The following ATAD2 variants were observed in gnomAD, a reference collection of about 807,000 sequenced individuals.
The protein encoded by ATAD2 is ATPase family AAA domain containing 2.
Under a neutral mutation model 168.9 loss-of-function variants are expected in ATAD2, and 62 were observed. That is an observed-to-expected ratio of 0.37 (90% CI 0.30 to 0.45). ATAD2 has a LOEUF of 0.45. Ranked by LOEUF, ATAD2 falls within the 20% of genes least tolerant of loss-of-function variation. The probability of loss-of-function intolerance (pLI) is 1.00; values close to 1 mark genes in which losing one functional copy is unlikely to be tolerated. For synonymous variants in ATAD2, 613 were observed against 571.6 expected, an observed-to-expected ratio of 1.07 and a Z score of -1.03; for missense variants, 1,419 against 1,667.8, an observed-to-expected ratio of 0.85 and a Z score of 2.60.
rs1829732178 is a variant in ATAD2 at position 123,389,124 on chromosome 8, G to A, written c.171+7063C>T. ...TGGGATTACAGGAGCCTGCTACCAC[G>A]CCCGGCTAATTTTTTTTTTTTTTTT... On this transcript the variant is annotated intron_variant, in intron 1 of 27. Coordinates refer to ENST00000287394, the MANE Select transcript of ATAD2 (RefSeq NM_014109.4). 2.5e-5 allele frequency among the ~76,000 whole-genome samples: 3 copies of A among 120,334 alleles called. No homozygotes were observed. In the South Asian group the frequency reaches 1.0e-3, roughly 40 times the overall value. The allele number at this position is 120,334 out of a possible 152,430, so 78.9% of individuals were successfully genotyped here.
chr8:123,394,682 A>T (rs1812748559), intron 1 of ATAD2, among the ~76,000 whole-genome samples: 1 of 152,208 alleles, frequency 6.6e-6, no homozygotes, highest in South Asian at 2.1e-4. Flanking sequence ...TCAATATATC[A>T]GTACGTATCA....
chr8:123,323,005 A>G lies in ATAD2; in HGVS notation c.4064T>C (p.Leu1355Ser), dbSNP rs1827515875. The G allele has an allele frequency of 6.2e-7, 1 of 1,613,260 alleles. No homozygotes were observed. ...AATACATTGGCTGATTACTGCATAC[A>G]AATTTTCCAACTGAAATATGTTGTA... ...QNYNIFQLEN[L>S]YAVISQCIYR... Residue 1355 changes from leucine (L) to serine (S), a missense_variant, in exon 27 of 28, where the codon TTG becomes TCG. Coordinates refer to ENST00000287394, the MANE Select transcript of ATAD2 (RefSeq NM_014109.4).
At chr8:123,376,583 T>A (rs1040926455) in intron 2 of ATAD2, among the ~76,000 whole-genome samples, 9 of 151,422 alleles carry the variant, frequency 5.9e-5, no homozygotes, top group African/African-American at 2.4e-5. Flanking sequence ...ACACACACAC[T>A]AAAACCATGG....
chr8:123,401,462 C>T, intron 1 of ATAD2: 5 of 1,513,920 alleles, frequency 3.3e-6, no homozygotes, highest in Non-Finnish European at 4.6e-6. Flanking sequence ...ACTCCCACCT[C>T]CAGGTGATTG....
intron 19 of ATAD2, among the ~76,000 whole-genome samples, chr8:123,342,207 T>C (rs1024418074): frequency 6.6e-6 from 1 of 152,252 alleles, no homozygotes; most frequent in African/African-American, 2.4e-5. Flanking sequence ...TCAACCTGCC[T>C]AGTATTGTTA....
At chr8:123,389,988 T>C (rs11782930) in intron 1 of ATAD2, among the ~76,000 whole-genome samples, 1 of 62,206 alleles carries the variant, frequency 1.6e-5, no homozygotes, top group Non-Finnish European at 3.4e-5. Context: ...ATATATATTT[T>C]TTTTTTTTTA....
intron 20 of ATAD2, 68 bp downstream of exon 20, chr8:123,339,243 A>T: frequency 7.6e-7 from 1 of 1,312,316 alleles, no homozygotes; most frequent in South Asian, 1.5e-5. Flanking sequence ...ATACATGTCA[A>T]TGCCATTAAC....
At chr8:123,380,893 T>C in intron 1 of ATAD2, 1 of 518,250 alleles carries the variant, frequency 1.9e-6, no homozygotes, top group Non-Finnish European at 3.4e-6. Context: ...ATATAAGATT[T>C]ACTGGTTTAT....
At chr8:123,346,312 A>G in intron 17 of ATAD2, 40 bp from the exon 18 acceptor site, 1 of 1,500,372 alleles carries the variant, frequency 6.7e-7, no homozygotes, top group South Asian at 1.3e-5. Flanking sequence ...TTTAGAAAAA[A>G]CAGTTTAAAT....
chr8:123,343,395 T>G (rs1210540499), intron 19 of ATAD2, among the ~76,000 whole-genome samples: 1 of 152,166 alleles, frequency 6.6e-6, no homozygotes, highest in African/African-American at 2.4e-5. Flanking sequence ...TACAAAATTT[T>G]TAAAACTTCT....
chr8:123,345,121 G>A, intron 18 of ATAD2, 52 bp from the exon 19 acceptor site: 1 of 1,486,382 alleles, frequency 6.7e-7, no homozygotes, highest in African/African-American at 1.4e-5. Flanking sequence ...CGTTAATAAT[G>A]CTAGTTCTAT....
chr8:123,354,224 C>T (rs774015609), intron 13 of ATAD2, among the ~76,000 whole-genome samples: 1 of 152,156 alleles, frequency 6.6e-6, no homozygotes, highest in African/African-American at 2.4e-5. Context: ...TAATGACATT[C>T]ACATAATTAC....
intron 7 of ATAD2, 48 bp downstream of exon 7, chr8:123,369,773 A>G (rs1485053762): frequency 7.0e-7 from 1 of 1,438,486 alleles, no homozygotes; most frequent in Non-Finnish European, 9.6e-7. Context: ...CAGGAAATAT[A>G]AAGCTAATAT....
At chr8:123,399,623 G>A (rs1034763140), upstream of ATAD2, among the ~76,000 whole-genome samples, 6 of 152,046 alleles carry the variant, frequency 3.9e-5, no homozygotes, top group Non-Finnish European at 8.8e-5. Context: ...TTGGGAGGCC[G>A]AGGTGGGTAT....
At chr8:123,404,839 C>T (rs940978358) in intron 1 of ATAD2, among the ~76,000 whole-genome samples, 8 of 152,120 alleles carry the variant, frequency 5.3e-5, no homozygotes, top group Admixed American at 4.6e-4. Flanking sequence ...CGCGCCCAGC[C>T]CCCCCTTTCT....
chr8:123,401,056 C>G, upstream of ATAD2: 2 of 1,572,070 alleles, frequency 1.3e-6, no homozygotes, highest in East Asian at 2.2e-5. Context: ...CGTCACTTCC[C>G]GAGACATCGA....
chr8:123,376,028 C>A (rs1414280332), intron 2 of ATAD2, among the ~76,000 whole-genome samples: 2 of 151,564 alleles, frequency 1.3e-5, no homozygotes, highest in East Asian at 3.9e-4. Context: ...CTGCTTGAAC[C>A]TGGGAGGCGA....
Position 123,359,412 on chromosome 8 carries a change from CAATG to C in ATAD2, c.1267-80_1267-77del. 4 of 1,245,308 alleles carry C rather than the reference CAATG, an allele frequency of 3.2e-6. 1 individual carries two copies. In the South Asian group the frequency reaches 3.9e-5, roughly 12 times the overall value. 77.1% of individuals were successfully genotyped at this position (1,245,308 alleles called of 1,614,324 possible). ...AATGTCACCCCACACCATACACAGT[CAATG>C]AAGTAATAATATCTTAATTGTGACC... On this transcript the variant is annotated intron_variant, in intron 10 of 27. Coordinates refer to ENST00000287394, the MANE Select transcript of ATAD2 (RefSeq NM_014109.4).
At chr8:123,398,656 T>C (rs543958269), upstream of ATAD2, among the ~76,000 whole-genome samples, 8 of 152,022 alleles carry the variant, frequency 5.3e-5, no homozygotes, top group South Asian at 1.7e-3. Flanking sequence ...GGACCACAGG[T>C]GTGTGCCATC....
Sources: allele counts gnomAD v4.1 joint callset (sites outside exome capture counted in the v4.1 genomes callset), GRCh38; gene constraint gnomAD v4.1.1; transcripts MANE v1.5; gene names NCBI Gene and HGNC (gene_info 2026-07-23, HGNC 2026-07-21).